The following CCDC57 variants were observed in gnomAD, a reference collection of about 807,000 sequenced individuals.
CCDC57 encodes the protein coiled-coil domain containing 57.
In CCDC57, 118 loss-of-function variants were observed where a neutral mutation model predicts 118.9. That is an observed-to-expected ratio of 0.99 (90% confidence interval 0.86 to 1.16). The LOEUF (loss-of-function observed/expected upper bound fraction) is 1.16, where lower values mean the gene tolerates loss of function less well. Among genes scored for constraint, CCDC57 ranks in the 50% most tolerant of loss-of-function variants. The pLI, the probability that CCDC57 is intolerant of heterozygous loss-of-function variation, is 0.00. For missense variants in CCDC57, 1,300 were observed against 1,320.7 expected, an observed-to-expected ratio of 0.98 and a Z score of 0.24; for synonymous variants, 527 against 532.9, an observed-to-expected ratio of 0.99 and a Z score of 0.15.
chr17:82,126,622 G>C (rs1456044276), intron 19 of CCDC57: 2 of 985,298 alleles, frequency 2.0e-6, no homozygotes, highest in Admixed American at 6.1e-5. Flanking sequence ...TGTGGCTACA[G>C]GACTCTCAGA....
intron 2 of CCDC57, among the ~76,000 whole-genome samples, chr17:82,204,052 G>T (rs1193523091): frequency 6.6e-6 from 1 of 152,188 alleles, no homozygotes; most frequent in Non-Finnish European, 1.5e-5. Context: ...GGGCTGGTCA[G>T]CAGGGCACAC....
At chr17:82,206,677 T>G (rs1391202763) in intron 2 of CCDC57, among the ~76,000 whole-genome samples, 1 of 152,200 alleles carries the variant, frequency 6.6e-6, no homozygotes, top group African/African-American at 2.4e-5. Context: ...TTCCCTGGGT[T>G]CTGTGAGTCA....
At chr17:82,189,015 G>A (rs2047324367) in intron 7 of CCDC57, among the ~76,000 whole-genome samples, 1 of 152,176 alleles carries the variant, frequency 6.6e-6, no homozygotes, top group Non-Finnish European at 1.5e-5. Context: ...GCCTGTAACC[G>A]AAGCACTTTA....
At chr17:82,108,838 C>T (rs6502053) in intron 19 of CCDC57, 77,450 of 151,626 alleles carry the variant, frequency 0.51, 20,477 homozygotes, top group Non-Finnish European at 0.56. Flanking sequence ...GAAGGAGCCT[C>T]GCTTTCTCCA....
rs1166591314 is a variant in CCDC57, at chr17:82,184,053, A to G, written c.1053-121T>C. On this transcript the variant is annotated intron_variant, in intron 8 of 19. Transcript: ENST00000665763. ...CGCGCACACACACACACACACACAC[A>G]CACACACACACACACACACACACAC... 1.0e-4 allele frequency: 57 copies of G among 565,030 alleles called. 1 individual carries two copies. Among genetic ancestry groups the G allele is most frequent in the Middle Eastern group, 5.5e-4 (2 of 3,658 alleles). The allele number at this position is 565,030 out of a possible 1,614,324, so 35.0% of individuals were successfully genotyped here.
At chr17:82,116,240 G>A (rs2035900660) in intron 19 of CCDC57, among the ~76,000 whole-genome samples, 1 of 150,050 alleles carries the variant, frequency 6.7e-6, no homozygotes, top group Non-Finnish European at 1.5e-5. Flanking sequence ...GACCATTTTT[G>A]CTCCTAAACC....
intron 3 of CCDC57, among the ~76,000 whole-genome samples, chr17:82,199,477 C>CAAAAAAAAAAAAAAAAAAAAAA (rs55713414): frequency 1.1e-5 from 1 of 87,690 alleles, no homozygotes. Context: ...GACTCTGTCT[C>CAAAAAAAAAAAAAAAAAAAAAA]AAAAAAAAAA....
chr17:82,185,912 T>C (rs181425897), intron 8 of CCDC57, among the ~76,000 whole-genome samples: 1 of 152,340 alleles, frequency 6.6e-6, no homozygotes, highest in African/African-American at 2.4e-5. Flanking sequence ...TATTTCTATT[T>C]TTTTAGTTAA....
intron 17 of CCDC57, among the ~76,000 whole-genome samples, chr17:82,130,575 T>C (rs1177097527): frequency 6.9e-6 from 1 of 145,056 alleles, no homozygotes; most frequent in African/African-American, 2.6e-5. Context: ...CAATCTTGGC[T>C]CACTGCAACC....
chr17:82,204,882 G>A (rs1465633147), intron 2 of CCDC57, among the ~76,000 whole-genome samples: 1 of 152,222 alleles, frequency 6.6e-6, no homozygotes, highest in African/African-American at 2.4e-5. Flanking sequence ...AGCCTGGGAT[G>A]TGTGGCAGGT....
intron 11 of CCDC57, among the ~76,000 whole-genome samples, chr17:82,176,884 G>A (rs958795537): frequency 1.3e-5 from 2 of 151,402 alleles, no homozygotes; most frequent in African/African-American, 4.9e-5. Flanking sequence ...ATGGTAGAGA[G>A]CAGTCTTTAG....
chr17:82,207,293 A>T (rs2049779037), intron 2 of CCDC57, among the ~76,000 whole-genome samples: 1 of 151,970 alleles, frequency 6.6e-6, no homozygotes, highest in Admixed American at 6.6e-5. Flanking sequence ...TGATTGCACC[A>T]CTGCACTCCA....
At chr17:82,128,732 C>T (rs2037860631) in intron 17 of CCDC57, 135 bp from the exon 17 acceptor site, 2 of 695,378 alleles carry the variant, frequency 2.9e-6, no homozygotes, top group East Asian at 2.8e-5. Flanking sequence ...CATTTGGTGA[C>T]AGCCCGGACT....
At chr17:82,186,568 A>C (rs1028466202) in intron 8 of CCDC57, among the ~76,000 whole-genome samples, 4 of 152,150 alleles carry the variant, frequency 2.6e-5, no homozygotes, top group Non-Finnish European at 5.9e-5. Flanking sequence ...GAATCTAGAG[A>C]AACTATCCTG....
At chr17:82,128,328 A>C (rs930073994) in intron 18 of CCDC57, among the ~76,000 whole-genome samples, 165 bp downstream of exon 17, 1 of 152,062 alleles carries the variant, frequency 6.6e-6, no homozygotes. Flanking sequence ...CCACCCGGCA[A>C]ACGCTCTGCA....
intron 19 of CCDC57, among the ~76,000 whole-genome samples, chr17:82,104,296 C>T (rs552141878): frequency 1.4e-4 from 21 of 152,330 alleles, no homozygotes; most frequent in African/African-American, 4.1e-4. Flanking sequence ...GCGTGAGGAA[C>T]GCGCCTCTTG....
chr17:82,143,356 G>T (rs1250393342), intron 16 of CCDC57, among the ~76,000 whole-genome samples: 1 of 152,018 alleles, frequency 6.6e-6, no homozygotes, highest in Non-Finnish European at 1.5e-5. Context: ...ATAAACACAA[G>T]AACAAAAAGA....
chr17:82,114,042 G>A (rs145528182), intron 19 of CCDC57, among the ~76,000 whole-genome samples: 1 of 152,336 alleles, frequency 6.6e-6, no homozygotes, highest in Non-Finnish European at 1.5e-5. Context: ...GGAGCCTGAC[G>A]TGCACCTTCT....
chr17:82,161,356 G>C (rs974479994), intron 14 of CCDC57, among the ~76,000 whole-genome samples: 4 of 152,080 alleles, frequency 2.6e-5, no homozygotes, highest in Admixed American at 1.3e-4. Context: ...CTCCTCAAAG[G>C]GTTCAACACA....
Sources: gnomAD v4.1 joint callset for allele counts (sites outside exome capture counted in the v4.1 genomes callset) on GRCh38, gnomAD v4.1.1 for gene constraint, MANE v1.5 for transcripts, NCBI Gene and HGNC (gene_info 2026-07-23, HGNC 2026-07-21) for gene names.